The following ITPK1 variants were observed in gnomAD, a reference collection of about 807,000 sequenced individuals.
ITPK1 encodes inositol 1,3,4-trisphosphate 5/6-kinase.
Under a neutral mutation model 45.3 loss-of-function variants are expected in ITPK1, and 21 were observed. The ratio of observed to expected loss-of-function variants is 0.46; its 90% CI spans 0.33 to 0.67. The LOEUF is 0.67. Among genes scored for constraint, ITPK1 ranks in the 30% least tolerant of loss-of-function variants. The probability of loss-of-function intolerance (pLI) is 0.02; values close to 1 mark genes in which losing one functional copy is unlikely to be tolerated. For missense variants in ITPK1, 474 were observed against 573.5 expected, an observed-to-expected ratio of 0.83 and a Z score of 1.77; for synonymous variants, 258 against 253.6, an observed-to-expected ratio of 1.02 and a Z score of -0.16.
Position 92,952,108 on chromosome 14 carries a change from C to T in ITPK1, c.671-95G>A, listed in dbSNP as rs975931597. ...CCAGGGGGCAGCATCACCCCAGGCA[C>T]ACAACACGTGGCCCCCGGCTCTGCA... On this transcript the variant is annotated intron_variant, in intron 8 of 10. Coordinates refer to ENST00000267615, the MANE Select transcript of ITPK1 (RefSeq NM_014216.6). 12 of 999,254 alleles carry T rather than the reference C, an allele frequency of 1.2e-5. No individual in the cohort carries two copies. In the Middle Eastern group the frequency reaches 6.1e-4, roughly 51 times the overall value. 61.9% of individuals were successfully genotyped at this position (999,254 alleles called of 1,614,324 possible).
chr14:92,953,601 T>C (rs1452410227), intron 8 of ITPK1, among the ~76,000 whole-genome samples: 1 of 152,150 alleles, frequency 6.6e-6, no homozygotes, highest in Non-Finnish European at 1.5e-5. Context: ...TATTTCCCTG[T>C]AGATCCTGAA....
intron 5 of ITPK1, among the ~76,000 whole-genome samples, chr14:92,965,675 T>C (rs995484373): frequency 6.6e-6 from 1 of 152,250 alleles, no homozygotes; most frequent in Non-Finnish European, 1.5e-5. Context: ...AAGATCAATA[T>C]ATGATAAGCA....
At chr14:93,104,432 G>A (rs969968096) in intron 2 of ITPK1, among the ~76,000 whole-genome samples, 2 of 150,770 alleles carry the variant, frequency 1.3e-5, no homozygotes, top group Admixed American at 6.6e-5. Flanking sequence ...CTTGCACTCC[G>A]GCCTGGGTGA....
At chr14:93,052,463 C>T (rs1285152229) in intron 3 of ITPK1, among the ~76,000 whole-genome samples, 2 of 152,152 alleles carry the variant, frequency 1.3e-5, no homozygotes, top group Non-Finnish European at 2.9e-5. Flanking sequence ...GTCTAAGTCT[C>T]GATACCAGGC....
chr14:93,000,828 G>A (rs574460179), intron 4 of ITPK1, among the ~76,000 whole-genome samples: 7 of 151,928 alleles, frequency 4.6e-5, no homozygotes, highest in Middle Eastern at 3.4e-3. Flanking sequence ...AAAAATTGCC[G>A]TGCATGGTGG....
In ITPK1 at chr14:92,938,329, T is replaced by C. The variant is rs6575304; in HGVS notation, c.*3232A>G. The C allele has an allele frequency of 0.49, 326,141 of 670,686 alleles. 81,930 individuals are homozygous for C. Among genetic ancestry groups the C allele is most frequent in the East Asian group, 0.73 (27,013 of 37,134 alleles). 41.5% of individuals were successfully genotyped at this position (670,686 alleles called of 1,614,324 possible). A position where few individuals can be genotyped will look rare whatever the true frequency, so the allele number is the denominator to read the frequency against. On this transcript the variant is annotated 3_prime_UTR_variant, in exon 11 of 11. Coordinates refer to ENST00000267615, the MANE Select transcript of ITPK1 (RefSeq NM_014216.6). ...CATTAGTGAAGCCATTCAGCAGTTG[T>C]GGCCAGTGGCCAATGTGAGTGCCCA... is the stretch of plus-strand genomic sequence containing the variant.
intron 3 of ITPK1, among the ~76,000 whole-genome samples, chr14:93,056,919 CATG>C (rs1433359677): frequency 2.0e-5 from 3 of 152,238 alleles, no homozygotes; most frequent in African/African-American, 7.2e-5. Flanking sequence ...ATTTTTCAAG[CATG>C]ATGTTTCAAG....
chr14:93,081,731 G>A (rs939075260), intron 2 of ITPK1, among the ~76,000 whole-genome samples: 4 of 152,198 alleles, frequency 2.6e-5, no homozygotes, highest in African/African-American at 4.8e-5. Context: ...TGAGTCCTGC[G>A]CCCTCCCCAA....
chr14:93,003,863 C>T (rs1169595803), intron 4 of ITPK1, among the ~76,000 whole-genome samples: 1 of 152,254 alleles, frequency 6.6e-6, no homozygotes, highest in African/African-American at 2.4e-5. Context: ...AACTGCCATT[C>T]ACTTTATGTG....
chr14:92,972,420 G>T (rs4905016), intron 5 of ITPK1, among the ~76,000 whole-genome samples: 2,442 of 152,080 alleles, frequency 0.016, 77 homozygotes, highest in African/African-American at 0.057. Context: ...GGGGAGATGA[G>T]GGCCATCCGC....
chr14:93,016,889 C>T lies in ITPK1; in HGVS notation c.121-88G>A. Reference sequence around the variant, plus strand: ...CTCTTGTCCACCCTGGGGCATATCACCAGAGGACCCTCGAGCCTCCCTGTA... The same window carrying T: ...CTCTTGTCCACCCTGGGGCATATCATCAGAGGACCCTCGAGCCTCCCTGTA... On this transcript the variant is annotated intron_variant, in intron 3 of 10. Transcript: ENST00000267615. This position sits in a 1 kb window ranked among gnomAD's most constrained non-coding sequence, Gnocchi z 5.0. The T allele has an allele frequency of 1.9e-6, 3 of 1,552,400 alleles. No individual in the cohort carries two copies. Among genetic ancestry groups the T allele is most frequent in the Admixed American group, 1.8e-5 (1 of 56,870 alleles).
rs993438309 is a variant in ITPK1, at chr14:93,076,916, A to G, written c.96-297T>C. Among the ~76,000 whole-genome samples the G allele has an allele frequency of 1.3e-5, 2 of 152,118 alleles. No homozygotes were observed. The highest frequency in any genetic ancestry group is 3.9e-4 in the East Asian group (2 of 5,190). ...GCCGGGCCTCTGTCAGCCGAGCTCC[A>G]GCCTGGGTCGTCCCAAGGCCCCTGC... On this transcript the variant is annotated intron_variant, in intron 2 of 10. Transcript: ENST00000267615. The surrounding 1 kb of genome is among the most constrained non-coding windows in gnomAD (Gnocchi z 4.3).
intron 3 of ITPK1, among the ~76,000 whole-genome samples, chr14:93,055,349 G>GGTCA (rs1462302394): frequency 6.6e-6 from 1 of 152,078 alleles, no homozygotes; most frequent in Non-Finnish European, 1.5e-5. Flanking sequence ...AGGGCCAAAG[G>GGTCA]GTCAGCATCT....
rs531569328 is a variant in ITPK1, at chr14:93,012,051, C to T, written c.246+4625G>A. Among the ~76,000 whole-genome samples the T allele has an allele frequency of 2.6e-5, 4 of 152,266 alleles. No homozygotes were observed. The highest frequency in any genetic ancestry group is 1.9e-4 in the East Asian group (1 of 5,154). ...TAACGCTCCTGGCCTCCTCCCTCCC[C>T]GCTCCAAGCAGCCCAGCAGAGCCAC... On this transcript the variant is annotated intron_variant, in intron 4 of 10. Transcript: ENST00000267615. This position sits in a 1 kb window ranked among gnomAD's most constrained non-coding sequence, Gnocchi z 4.9.
At chr14:92,989,477 A>AGGTGCCTTCTCATACAT (rs1229355080) in intron 5 of ITPK1, among the ~76,000 whole-genome samples, 1 of 152,188 alleles carries the variant, frequency 6.6e-6, no homozygotes, top group Non-Finnish European at 1.5e-5. Flanking sequence ...ATTACGGCCC[A>AGGTGCCTTCTCATACAT]GGTGCCTTCT....
Position 93,073,799 on chromosome 14 carries a change from A to G in ITPK1, c.120+2796T>C, listed in dbSNP as rs537740089. ...TCCACCACGGCCAGCTGAAATCCCC[A>G]AGAGAAAGCACAGCATTCTGAGCCT... On this transcript the variant is annotated intron_variant, in intron 3 of 10. Coordinates refer to ENST00000267615, the MANE Select transcript of ITPK1 (RefSeq NM_014216.6). Among the ~76,000 whole-genome samples, 4 of 152,284 alleles carry G rather than the reference A, an allele frequency of 2.6e-5. No individual in the cohort carries two copies. In the East Asian group the frequency reaches 7.7e-4, roughly 29 times the overall value.
rs1889227068 is a variant in ITPK1 at position 93,034,470 on chromosome 14, C to T, written c.121-17669G>A. On this transcript the variant is annotated intron_variant, in intron 3 of 10. Coordinates refer to ENST00000267615, the MANE Select transcript of ITPK1 (RefSeq NM_014216.6). The surrounding 1 kb of genome is among the most constrained non-coding windows in gnomAD (Gnocchi z 4.1). ...AGTCTGTGCCTTCACTCCTGTATTT[C>T]TGTGCTTTTCCTCTCCAAGAATAGA... 6.6e-6 allele frequency among the ~76,000 whole-genome samples: 1 copy of T among 152,202 alleles called. No homozygotes were observed. Among genetic ancestry groups the T allele is most frequent in the Admixed American group, 6.5e-5 (1 of 15,286 alleles).
At chr14:93,115,015 G>GTCACCGGGCTCGGGCCGGGGT (rs1218214793) in intron 2 of ITPK1, 54 bp downstream of exon 2, 245 of 1,058,366 alleles carry the variant, frequency 2.3e-4, no homozygotes, top group Admixed American at 7.9e-5. Flanking sequence ...CGGGCCGGGG[G>GTCACCGGGCTCGGGCCGGGGT]TCACCGGGCT....
chr14:93,072,923 T>A (rs548066325), intron 3 of ITPK1, among the ~76,000 whole-genome samples: 1 of 152,332 alleles, frequency 6.6e-6, no homozygotes, highest in East Asian at 1.9e-4. Context: ...CACCATCAGG[T>A]ACTCTTTGAA....
Sources: allele counts gnomAD v4.1 joint callset (sites outside exome capture counted in the v4.1 genomes callset), GRCh38; gene constraint gnomAD v4.1.1; non-coding constraint Gnocchi (gnomAD v3.1); transcripts MANE v1.5; gene names NCBI Gene and HGNC (gene_info 2026-07-23, HGNC 2026-07-21).